Variants in CRLF2 observed in about 807,000 individuals in gnomAD.
The protein encoded by CRLF2 is cytokine receptor-like factor 2.
Under a neutral mutation model 38.7 loss-of-function variants are expected in CRLF2, and 41 were observed. That is an observed-to-expected ratio of 1.06 (90% confidence interval 0.83 to 1.37). The LOEUF is 1.37. CRLF2 is among the 40% of genes most tolerant of loss of function. CRLF2 has a pLI of 0.00. For synonymous variants in CRLF2, 140 were observed against 128.8 expected (o/e 1.09, Z -0.59); for missense variants, 377 against 322.2 (o/e 1.17, Z -1.30).
At chrX:1,191,975 GT>G (rs2086388816) in intron 7 of CRLF2, among the ~76,000 whole-genome samples, 1 of 148,926 alleles carries the variant, frequency 6.7e-6, no homozygotes, top group South Asian at 2.2e-4. Context: ...GGAGGCCAAG[GT>G]GGGTGGATCA....
At chrX:1,191,976 T>C (rs1165934943) in intron 7 of CRLF2, among the ~76,000 whole-genome samples, 116,069 of 145,896 alleles carry the variant, frequency 0.8, 46,527 homozygotes, top group East Asian at 0.96. Flanking sequence ...GAGGCCAAGG[T>C]GGGTGGATCA....
chrX:1,211,083 GGATA>G, intron 1 of CRLF2, among the ~76,000 whole-genome samples: 1 of 151,286 alleles, frequency 6.6e-6, no homozygotes, highest in Admixed American at 6.6e-5. Flanking sequence ...GTGGATGGAT[GGATA>G]GATGGATAAG....
chrX:1,203,279 G>C (rs376271826), intron 3 of CRLF2, among the ~76,000 whole-genome samples: 3 of 152,078 alleles, frequency 2.0e-5, no homozygotes, highest in Non-Finnish European at 2.9e-5. Flanking sequence ...CGTGGAGACG[G>C]AGGCAGAGAC....
chrX:1,201,876 C>A (rs1248204251), intron 4 of CRLF2, among the ~76,000 whole-genome samples: 308 of 151,446 alleles, frequency 2.0e-3, no homozygotes, highest in Non-Finnish European at 3.5e-3. Flanking sequence ...ATTGACCATA[C>A]ATAGATAGAT....
At chrX:1,192,019 C>G (rs1389064009) in intron 7 of CRLF2, among the ~76,000 whole-genome samples, 1 of 141,566 alleles carries the variant, frequency 7.1e-6, no homozygotes, top group Non-Finnish European at 1.6e-5. Flanking sequence ...TCCCGACTAA[C>G]ATGGTGAAAC....
At chrX:1,204,584 C>T (rs1420050411) in intron 3 of CRLF2, among the ~76,000 whole-genome samples, 1 of 147,976 alleles carries the variant, frequency 6.8e-6, no homozygotes, top group Non-Finnish European at 1.5e-5. Flanking sequence ...GCAGTGGCAC[C>T]GTCTTGGCTC....
At chrX:1,192,944 G>T (rs1394570159) in intron 7 of CRLF2, among the ~76,000 whole-genome samples, 1 of 151,146 alleles carries the variant, frequency 6.6e-6, no homozygotes, top group East Asian at 2.0e-4. Context: ...CTCCAGAGTC[G>T]CTGGGATTAC....
At chrX:1,205,046 C>T (rs1468193564) in intron 3 of CRLF2, among the ~76,000 whole-genome samples, 1 of 152,034 alleles carries the variant, frequency 6.6e-6, no homozygotes, top group East Asian at 1.9e-4. Flanking sequence ...AGGCTGGTCT[C>T]GAACTCCAGA....
At position 1,200,355 on chromosome X, in the gene CRLF2, C is replaced by T. The variant is rs1240004821; in HGVS notation, c.484-1631G>A. On this transcript the variant is annotated intron_variant, in intron 4 of 7. Transcript: ENST00000400841. The stretch of plus-strand genomic sequence containing the variant: ...TGTGTGTATATAAGATGTGTATGTA[C>T]ATGTGTATAAATATGTGTATATAAG... 2.8e-5 allele frequency among the ~76,000 whole-genome samples: 4 copies of T among 144,672 alleles called. No individual in the cohort carries two copies. In the East Asian group the frequency reaches 6.1e-4, roughly 22 times the overall value. 94.9% of individuals were successfully genotyped at this position (144,672 alleles called of 152,430 possible). A position where few individuals can be genotyped will look rare whatever the true frequency, so the allele number is the denominator to read the frequency against.
At chrX:1,208,940 T>A (rs2147853630) in intron 1 of CRLF2, 32 bp from the exon 2 acceptor site, 1 of 1,149,290 alleles carries the variant, frequency 8.7e-7, no homozygotes, top group Non-Finnish European at 1.3e-6. Flanking sequence ...AAGTTCACGG[T>A]GAGGCAACTC....
At chrX:1,198,339 C>CCCGG (rs1372292220) in intron 5 of CRLF2, among the ~76,000 whole-genome samples, 73 of 44,362 alleles carry the variant, frequency 1.6e-3, no homozygotes, top group African/African-American at 4.8e-3. Context: ...CCTCCCACCT[C>CCCGG]GAAGGCAGGA....
At chrX:1,198,403 G>C (rs1428358550) in intron 5 of CRLF2, among the ~76,000 whole-genome samples, 159 bp downstream of exon 5, 1 of 134,666 alleles carries the variant, frequency 7.4e-6, no homozygotes, top group Non-Finnish European at 1.6e-5. Context: ...CCACCTCGAA[G>C]GCAGGACACC....
At chrX:1,201,743 A>C (rs1286590724) in intron 4 of CRLF2, among the ~76,000 whole-genome samples, 1 of 152,102 alleles carries the variant, frequency 6.6e-6, no homozygotes, top group Non-Finnish European at 1.5e-5. Flanking sequence ...GTATAGATAC[A>C]TACATAGATA....
At chrX:1,204,096 A>AAAAAAAG (rs370190016) in intron 3 of CRLF2, among the ~76,000 whole-genome samples, 2 of 133,434 alleles carry the variant, frequency 1.5e-5, no homozygotes, top group African/African-American at 2.8e-5. Flanking sequence ...TCTCAAAAAA[A>AAAAAAAG]AGAGAGAACA....
chrX:1,194,350 T>C (rs1280077153), intron 6 of CRLF2, among the ~76,000 whole-genome samples: 6 of 151,870 alleles, frequency 4.0e-5, no homozygotes, highest in African/African-American at 1.5e-4. Flanking sequence ...TAGTCCCAGC[T>C]GCTTGGGAGG....
At chrX:1,205,504 T>C (rs1193811200) in intron 3 of CRLF2, among the ~76,000 whole-genome samples, 1 of 151,876 alleles carries the variant, frequency 6.6e-6, no homozygotes, top group Non-Finnish European at 1.5e-5. Context: ...TGGTAATCAT[T>C]GATCCCGCGA....
At chrX:1,202,907 G>C (rs1235629256) in intron 3 of CRLF2, among the ~76,000 whole-genome samples, 2 of 151,788 alleles carry the variant, frequency 1.3e-5, no homozygotes, top group African/African-American at 2.4e-5. Flanking sequence ...TCAGGAGTTC[G>C]AGACCAGCCT....
chrX:1,195,707 A>G (rs1348170388), intron 6 of CRLF2, among the ~76,000 whole-genome samples: 2 of 148,570 alleles, frequency 1.3e-5, no homozygotes, highest in African/African-American at 4.9e-5. Flanking sequence ...CCTCCGGAGC[A>G]GCTGGGACTA....
chrX:1,193,915 C>G (rs1192871387), intron 6 of CRLF2, among the ~76,000 whole-genome samples: 1 of 148,006 alleles, frequency 6.8e-6, no homozygotes, highest in African/African-American at 2.5e-5. Context: ...GAGCTGAGAT[C>G]ACACCACTGC....
Sources: gnomAD v4.1 joint callset for allele counts (sites outside exome capture counted in the v4.1 genomes callset) on GRCh38, gnomAD v4.1.1 for gene constraint, MANE v1.5 for transcripts, NCBI Gene and HGNC (gene_info 2026-07-23, HGNC 2026-07-21) for gene names.